Variants in MTFR2 observed in about 807,000 individuals in gnomAD.
MTFR2 encodes the protein mitochondrial fission regulator 2.
In MTFR2, 44 loss-of-function variants were observed where a neutral mutation model predicts 41.2. That is an observed-to-expected ratio of 1.07 (90% confidence interval 0.84 to 1.37). The LOEUF (loss-of-function observed/expected upper bound fraction) is 1.37. MTFR2 is among the 40% of genes most tolerant of loss of function. The pLI is 0.00. For synonymous variants in MTFR2, 141 were observed against 154.6 expected, an observed-to-expected ratio of 0.91 and a Z score of 0.65; for missense variants, 452 against 459.5, an observed-to-expected ratio of 0.98 and a Z score of 0.15.
In MTFR2 at chr6:136,241,684, T is replaced by G. The variant is rs758109914; in HGVS notation, c.282-8A>C. 6.3e-7 allele frequency: 1 copy of G among 1,587,514 alleles called. No individual in the cohort carries two copies. Among genetic ancestry groups the G allele is most frequent in the Non-Finnish European group, 8.6e-7 (1 of 1,167,326 alleles). ...TTTTTCCATATACTATTTCTGTGGG[T>G]GAAAAAAAATAGGAAATGGAGGGAA... On this transcript the variant is annotated splice_polypyrimidine_tract_variant and splice_region_variant and intron_variant, in intron 4 of 7. Transcript: ENST00000420702.
chr6:136,240,160 C>G (rs1780017734), intron 5 of MTFR2, among the ~76,000 whole-genome samples: 1 of 152,122 alleles, frequency 6.6e-6, no homozygotes. Context: ...AAATCAACAA[C>G]TTGTAGTTAG....
In MTFR2 at chr6:136,231,309, A is replaced by T. The variant is rs767629082; in HGVS notation, c.1124T>A (p.Ile375Asn). Residue 375 changes from isoleucine (I) to asparagine (N), a missense_variant, in exon 8 of 8, where the codon ATC becomes AAC. Physicochemically the swap from Ile to Asn is moderately radical, Grantham distance 149. Transcript: ENST00000420702. Reference sequence around the variant, plus strand: ...TGAGTTTAGAAGGCTTGTGTTGCTGATACCTTGGTCAACAGCTTTTGTGTT... The same window carrying T: ...TGAGTTTAGAAGGCTTGTGTTGCTGTTACCTTGGTCAACAGCTTTTGTGTT... Reference protein sequence around the residue: ...MVNTKAVDQGISNTSLLNSRI With the variant: ...MVNTKAVDQGNSNTSLLNSRI 1 of 1,612,410 alleles carries T rather than the reference A, an allele frequency of 6.2e-7. No homozygotes were observed. Among genetic ancestry groups the T allele is most frequent in the Non-Finnish European group, 8.5e-7 (1 of 1,179,152 alleles).
chr6:136,231,669 T>TAAAAAAAAAAAAAAAAAA (rs71006791), intron 7 of MTFR2, among the ~76,000 whole-genome samples: 25 of 82,914 alleles, frequency 3.0e-4, no homozygotes, highest in African/African-American at 1.1e-3. Flanking sequence ...AAAAACTATG[T>TAAAAAAAAAAAAAAAAAA]AAAAAAAAAA....
intron 7 of MTFR2, 25 bp from the exon 8 acceptor site, chr6:136,231,413 C>T (rs1462055765): frequency 1.0e-5 from 14 of 1,385,138 alleles, no homozygotes; most frequent in Admixed American, 3.9e-5. Context: ...ATATTTAACA[C>T]AGAAATTATT....
intron 5 of MTFR2, among the ~76,000 whole-genome samples, chr6:136,241,125 C>T (rs1583968511): frequency 6.7e-6 from 1 of 149,920 alleles, no homozygotes; most frequent in Non-Finnish European, 1.5e-5. Context: ...TAGAAGACAA[C>T]AGACTTTTTA....
chr6:136,245,042 C>T (rs1274743746), intron 2 of MTFR2, among the ~76,000 whole-genome samples, 173 bp from the exon 3 acceptor site: 1 of 151,684 alleles, frequency 6.6e-6, no homozygotes, highest in Non-Finnish European at 1.5e-5. Flanking sequence ...AATGGCAGAG[C>T]CTTTCTTCAA....
At chr6:136,249,327 G>A (rs1780300502) in intron 1 of MTFR2, among the ~76,000 whole-genome samples, 174 bp from the exon 2 acceptor site, 1 of 152,178 alleles carries the variant, frequency 6.6e-6, no homozygotes, top group African/African-American at 2.4e-5. Context: ...AGAGAGGGTT[G>A]TAAAGGAAAT....
At chr6:136,243,315 G>C (rs1316737536) in intron 3 of MTFR2, among the ~76,000 whole-genome samples, 1 of 152,144 alleles carries the variant, frequency 6.6e-6, no homozygotes, top group Admixed American at 6.5e-5. Context: ...TATACATGGG[G>C]TCACATAAGA....
At position 136,250,206 on chromosome 6, in the gene MTFR2, C is replaced by T. The variant is rs1278153744; in HGVS notation, c.-285G>A. 1.3e-5 allele frequency: 2 copies of T among 152,642 alleles called. No homozygotes were observed. The highest frequency in any genetic ancestry group is 4.8e-5 in the African/African-American group (2 of 41,472). 9.5% of individuals were successfully genotyped at this position (152,642 alleles called of 1,614,324 possible). A position where few individuals can be genotyped will look rare whatever the true frequency, so the allele number is the denominator to read the frequency against. ...GTGCCCAGCCCTGGAGCCTCACGCT[C>T]AGCCAGGGTAATGTTATGGGAAGCG... is the stretch of plus-strand genomic sequence containing the variant. On this transcript the variant is annotated 5_prime_UTR_variant, in exon 1 of 8. Coordinates refer to ENST00000420702, the MANE Select transcript of MTFR2 (RefSeq NM_001099286.3).
Position 136,233,429 on chromosome 6 carries a change from A to G in MTFR2, c.940T>C (p.Ser314Pro). ...GCAAATTTCTGTTTAAGTGCATGAG[A>G]TATTAAAGAAACTGGATCCCAATGT... ...NSHWDPVSLI[S>P]HALKQKFAFQ... The change falls in exon 7 of 8, where the codon TCT becomes CCT. Residue 314 changes from serine to proline, a missense_variant. Ser to Pro is a moderately conservative substitution (Grantham distance 74). Transcript: ENST00000420702. 2 of 1,600,360 alleles carry G rather than the reference A, an allele frequency of 1.2e-6. No homozygotes were observed. The highest frequency in any genetic ancestry group is 1.7e-6 in the Non-Finnish European group (2 of 1,170,520).
In MTFR2 at chr6:136,243,205, A is replaced by C. The variant is rs1033078354; in HGVS notation, c.169-232T>G. ...GTTAATTTCATCTATCACAAAATGC[A>C]AAATAAAATTAAGCTCTTCAGTTAT... On this transcript the variant is annotated intron_variant, in intron 3 of 7. Transcript: ENST00000420702. Among the ~76,000 whole-genome samples, 3 of 152,214 alleles carry C rather than the reference A, an allele frequency of 2.0e-5. No homozygotes were observed. In the East Asian group the frequency reaches 5.8e-4, roughly 29 times the overall value.
At chr6:136,240,449 T>A (rs1306020459) in intron 5 of MTFR2, among the ~76,000 whole-genome samples, 1 of 151,926 alleles carries the variant, frequency 6.6e-6, no homozygotes, top group African/African-American at 2.4e-5. Context: ...ATATGTGTAT[T>A]TATGCATTTG....
Position 136,231,408 on chromosome 6 carries a change from T to C in MTFR2, c.1045-20A>G, listed in dbSNP as rs771332998. 1 of 1,453,502 alleles carries C rather than the reference T, an allele frequency of 6.9e-7. No homozygotes were observed. Among genetic ancestry groups the C allele is most frequent in the Non-Finnish European group, 9.5e-7 (1 of 1,052,162 alleles). The allele number at this position is 1,453,502 out of a possible 1,614,324, so 90.0% of individuals were successfully genotyped here. ...TCCAAACTGAAATAAAGCAAATATT[T>C]AACACAGAAATTATTCTAATGTCAA... is the stretch of plus-strand genomic sequence containing the variant. On this transcript the variant is annotated intron_variant, in intron 7 of 7. Transcript: ENST00000420702.
In MTFR2 at chr6:136,233,281, T is replaced by C. The variant is rs751188700; in HGVS notation, c.1044+44A>G. ...ACAAAGCTGTAACATAAACAACACA[T>C]CTGAGAAAAACTGAAAAATTAATTT... On this transcript the variant is annotated intron_variant, in intron 7 of 7. Coordinates refer to ENST00000420702, the MANE Select transcript of MTFR2 (RefSeq NM_001099286.3). 5.8e-6 allele frequency: 9 copies of C among 1,552,062 alleles called. No individual in the cohort carries two copies. In the Admixed American group the frequency reaches 6.8e-5, roughly 12 times the overall value.
In MTFR2 at chr6:136,240,366, TAA is replaced by T. The variant is rs773245162; in HGVS notation, c.515-548_515-547del. Among the ~76,000 whole-genome samples the T allele has an allele frequency of 2.6e-4, 39 of 151,666 alleles. 1 individual carries two copies. The highest frequency in any genetic ancestry group is 4.3e-4 in the Non-Finnish European group (29 of 67,900). Reference sequence around the variant, plus strand: ...TCATTTTATTTATTATGTATAAATATAAGTTATTGTATATTATATAATGTGTT... The same window carrying T: ...TCATTTTATTTATTATGTATAAATATGTTATTGTATATTATATAATGTGTT... On this transcript the variant is annotated intron_variant, in intron 5 of 7. Transcript: ENST00000420702.
Position 136,241,608 on chromosome 6 carries a change from G to A in MTFR2, c.350C>T (p.Pro117Leu). 1 of 1,614,036 alleles carries A rather than the reference G, an allele frequency of 6.2e-7. No homozygotes were observed. The highest frequency in any genetic ancestry group is 1.7e-5 in the Admixed American group (1 of 60,002). ...TTTCTGTCTTACAGCAGGTGACAGT[G>A]GATCCCGAACTAGTCGCAAAGGATG... is the stretch of plus-strand genomic sequence containing the variant. The part of the protein sequence containing the change: ...IFHPLRLVRD[P>L]LSPAVRQKET... The change falls in exon 5 of 8, where the codon CCA becomes CTA. Residue 117 changes from proline to leucine, a missense_variant. Pro to Leu is a moderately conservative substitution (Grantham distance 98). Coordinates refer to ENST00000420702, the MANE Select transcript of MTFR2 (RefSeq NM_001099286.3).
intron 2 of MTFR2, among the ~76,000 whole-genome samples, chr6:136,245,405 GA>G (rs1441594365): frequency 6.6e-6 from 1 of 152,166 alleles, no homozygotes; most frequent in African/African-American, 2.4e-5. Flanking sequence ...GTCAGCTCTT[GA>G]AAAGGCATTA....
chr6:136,245,004 T>C (rs1028411145), intron 2 of MTFR2, 135 bp from the exon 3 acceptor site: 2 of 582,844 alleles, frequency 3.4e-6, no homozygotes, highest in Non-Finnish European at 5.9e-6. Context: ...TCCTGTAAAA[T>C]AACATTTATT....
chr6:136,240,935 C>G (rs928379622), intron 5 of MTFR2, among the ~76,000 whole-genome samples: 3 of 152,042 alleles, frequency 2.0e-5, no homozygotes, highest in South Asian at 2.1e-4. Flanking sequence ...ACTAAAAATA[C>G]AAAAAATTAG....
Sources: gnomAD v4.1 joint callset for allele counts (sites outside exome capture counted in the v4.1 genomes callset) on GRCh38, gnomAD v4.1.1 for gene constraint, MANE v1.5 for transcripts, NCBI Gene and HGNC (gene_info 2026-07-23, HGNC 2026-07-21) for gene names.